The following RUNX1 variants were observed in gnomAD, a reference collection of about 807,000 sequenced individuals.
RUNX1 encodes runt-related transcription factor 1.
Under a neutral mutation model 42.8 loss-of-function variants are expected in RUNX1, and 19 were observed. The observed-to-expected ratio is 0.44, with a 90% confidence interval of 0.31 to 0.65. The LOEUF is 0.65. RUNX1 is among the 30% of genes least tolerant of loss of function. RUNX1 has a pLI of 0.07. For missense variants in RUNX1, 528 were observed against 672.0 expected, an observed-to-expected ratio of 0.79 and a Z score of 2.37; for synonymous variants, 271 against 289.4, an observed-to-expected ratio of 0.94 and a Z score of 0.64.
At chr21:34,913,269 A>G (rs1293109840) in intron 2 of RUNX1, among the ~76,000 whole-genome samples, 1 of 152,170 alleles carries the variant, frequency 6.6e-6, no homozygotes, top group Non-Finnish European at 1.5e-5. Flanking sequence ...GGAGAAGAGA[A>G]ATAATGGCAG....
At chr21:34,840,873 C>G (rs1400076650) in intron 6 of RUNX1, among the ~76,000 whole-genome samples, 2 of 152,200 alleles carry the variant, frequency 1.3e-5, no homozygotes, top group African/African-American at 4.8e-5. Context: ...CCTCCTCTCT[C>G]CCTTAAGCCT....
At chr21:34,951,561 T>C (rs774982517) in intron 2 of RUNX1, among the ~76,000 whole-genome samples, 1 of 152,032 alleles carries the variant, frequency 6.6e-6, no homozygotes, top group African/African-American at 2.4e-5. Flanking sequence ...CATCAAAAAG[T>C]GGGCAAAGGA....
At chr21:34,942,862 G>A (rs1368054903) in intron 2 of RUNX1, among the ~76,000 whole-genome samples, 1 of 152,210 alleles carries the variant, frequency 6.6e-6, no homozygotes, top group Non-Finnish European at 1.5e-5. Context: ...GAGGCAGCAA[G>A]TGAGCTTAGA....
chr21:34,858,368 G>A (rs1377210785), intron 6 of RUNX1, among the ~76,000 whole-genome samples: 3 of 152,188 alleles, frequency 2.0e-5, no homozygotes, highest in Non-Finnish European at 4.4e-5. Context: ...CCCTACTGGG[G>A]ATCACTAACA....
chr21:34,973,983 G>A (rs547516306), intron 2 of RUNX1, among the ~76,000 whole-genome samples: 2 of 151,998 alleles, frequency 1.3e-5, no homozygotes, highest in African/African-American at 2.4e-5. Flanking sequence ...CTGATGAATC[G>A]GAATTTTGGC....
intron 2 of RUNX1, among the ~76,000 whole-genome samples, chr21:34,957,612 G>C: frequency 6.6e-6 from 1 of 152,118 alleles, no homozygotes; most frequent in East Asian, 1.9e-4. Flanking sequence ...AGGATAACAG[G>C]GTGATAGACT....
chr21:34,990,959 C>T (rs992375663), intron 2 of RUNX1, among the ~76,000 whole-genome samples: 3 of 152,168 alleles, frequency 2.0e-5, no homozygotes, highest in Non-Finnish European at 4.4e-5. Flanking sequence ...TTCATAGAAA[C>T]ATCTGTAACT....
chr21:35,026,733 A>T (rs2059239777), intron 2 of RUNX1, among the ~76,000 whole-genome samples: 1 of 152,194 alleles, frequency 6.6e-6, no homozygotes, highest in Non-Finnish European at 1.5e-5. Context: ...ATCCTTTAGA[A>T]AAAGCAATGG....
chr21:34,897,045 A>T (rs2058136335), intron 2 of RUNX1, among the ~76,000 whole-genome samples: 1 of 152,200 alleles, frequency 6.6e-6, no homozygotes, highest in Non-Finnish European at 1.5e-5. Context: ...AGTGTTTGCC[A>T]TGTGTATTTT....
intron 6 of RUNX1, among the ~76,000 whole-genome samples, chr21:34,858,875 C>T (rs892318297): frequency 6.6e-6 from 1 of 152,174 alleles, no homozygotes; most frequent in African/African-American, 2.4e-5. Flanking sequence ...TTTTTAAAAG[C>T]TTCCCTCACA....
chr21:34,911,262 G>A (rs2058269940), intron 2 of RUNX1, among the ~76,000 whole-genome samples: 1 of 152,282 alleles, frequency 6.6e-6, no homozygotes, highest in Admixed American at 6.5e-5. Flanking sequence ...AAAGGTTGAT[G>A]AAAATCAATG....
intron 2 of RUNX1, among the ~76,000 whole-genome samples, chr21:34,941,216 C>T (rs531316100): frequency 1.3e-5 from 2 of 152,318 alleles, no homozygotes; most frequent in South Asian, 4.1e-4. Context: ...CTCCCTTTAG[C>T]CTCTGTGCCT....
At chr21:34,797,456 G>A (rs2056545561) in intron 8 of RUNX1, among the ~76,000 whole-genome samples, 1 of 152,184 alleles carries the variant, frequency 6.6e-6, no homozygotes, top group Non-Finnish European at 1.5e-5. Flanking sequence ...GGACTATAAG[G>A]TGCTGATCTT....
chr21:34,884,338 T>C (rs2057949350), intron 4 of RUNX1, among the ~76,000 whole-genome samples: 1 of 152,242 alleles, frequency 6.6e-6, no homozygotes, highest in Non-Finnish European at 1.5e-5. Flanking sequence ...GTAGAGGATT[T>C]ACCTACAGAA....
intron 5 of RUNX1, among the ~76,000 whole-genome samples, chr21:34,875,827 T>C (rs182854981): frequency 9.2e-5 from 14 of 152,322 alleles, no homozygotes; most frequent in African/African-American, 3.4e-4. Flanking sequence ...GACCACAGTC[T>C]TCCACTCACC....
chr21:34,937,451 C>T (rs1028974907), intron 2 of RUNX1, among the ~76,000 whole-genome samples: 2 of 151,752 alleles, frequency 1.3e-5, no homozygotes, highest in South Asian at 4.1e-4. Context: ...TTTTATTCCT[C>T]AGTATATACA....
At position 34,789,876 on chromosome 21, in the gene RUNX1, A is replaced by T. The variant is rs1022240198; in HGVS notation, c.*2259T>A. ...TAACAGAATTAAACTGAAAAACATA[A>T]TTTTTTCCTTCATTTTTCTCCAGCA... On this transcript the variant is annotated 3_prime_UTR_variant, in exon 9 of 9. Transcript: ENST00000675419. The T allele has an allele frequency of 4.3e-6, 1 of 232,998 alleles. No individual in the cohort carries two copies. The highest frequency in any genetic ancestry group is 2.2e-5 in the African/African-American group (1 of 45,304). 14.4% of individuals were successfully genotyped at this position (232,998 alleles called of 1,614,324 possible). A position where few individuals can be genotyped will look rare whatever the true frequency, so the allele number is the denominator to read the frequency against.
rs1470205409 is a variant in RUNX1, at chr21:34,789,669, T to A, written c.*2466A>T. 1 of 233,228 alleles carries A rather than the reference T, an allele frequency of 4.3e-6. No homozygotes were observed. The highest frequency in any genetic ancestry group is 8.5e-6 in the Non-Finnish European group (1 of 118,072). 14.4% of individuals were successfully genotyped at this position (233,228 alleles called of 1,614,324 possible). A position where few individuals can be genotyped will look rare whatever the true frequency, so the allele number is the denominator to read the frequency against. The stretch of plus-strand genomic sequence containing the variant: ...ATCGCCAAAACAACTACAGTTTGAT[T>A]TTTTTTGAAACAATTAAATACTATA... On this transcript the variant is annotated 3_prime_UTR_variant, in exon 9 of 9. Coordinates refer to ENST00000675419, the MANE Select transcript of RUNX1 (RefSeq NM_001754.5).
chr21:35,004,459 A>C (rs1327114065), intron 2 of RUNX1, among the ~76,000 whole-genome samples: 4 of 152,200 alleles, frequency 2.6e-5, no homozygotes, highest in African/African-American at 9.6e-5. Flanking sequence ...GGGACTATGA[A>C]AAATCAGCTC....
Sources: allele counts gnomAD v4.1 joint callset (sites outside exome capture counted in the v4.1 genomes callset), GRCh38; gene constraint gnomAD v4.1.1; transcripts MANE v1.5; gene names NCBI Gene and HGNC (gene_info 2026-07-23, HGNC 2026-07-21).